GPHN: variants seen among roughly 807,000 people sequenced by gnomAD.
GPHN encodes the protein gephyrin.
In GPHN, 17 loss-of-function variants were observed where a neutral mutation model predicts 95.5. That is an observed-to-expected ratio of 0.18 (90% confidence interval 0.12 to 0.27). The LOEUF is 0.27. Among genes scored for constraint, GPHN ranks in the 10% least tolerant of loss-of-function variants. The pLI is 1.00. For synonymous variants in GPHN, 320 were observed against 322.5 expected (o/e 0.99, Z 0.08); for missense variants, 660 against 978.1 (o/e 0.67, Z 4.34).
At chr14:67,182,404 A>C (rs1317359423), downstream of GPHN, among the ~76,000 whole-genome samples, 1 of 152,196 alleles carries the variant, frequency 6.6e-6, no homozygotes, top group Admixed American at 6.5e-5. Context: ...AAACTACAAA[A>C]ATTGGCCTAC....
the GPHN span, among the ~76,000 whole-genome samples, chr14:67,464,469 C>G: frequency 6.6e-6 from 1 of 152,146 alleles, no homozygotes; most frequent in African/African-American, 2.4e-5. Flanking sequence ...GGCTCTGACC[C>G]CTGCCTGCTT....
rs1567400651 is a variant in GPHN, at chr14:67,144,256, T to TAC, written c.1836+808_1836+809insCA. Among the ~76,000 whole-genome samples the TAC allele has an allele frequency of 2.5e-3, 210 of 84,092 alleles. 14 individuals are homozygous for TAC. The highest frequency in any genetic ancestry group is 0.011 in the African/African-American group (183 of 16,884). The allele number at this position is 84,092 out of a possible 152,430, so 55.2% of individuals were successfully genotyped here. ...TGTCTTAAAAAAAAAAAAAAATATA[T>TAC]ATATATATATATATATATATATATA... On this transcript the variant is annotated intron_variant, in intron 18 of 22. Coordinates refer to ENST00000478722, the MANE Select transcript of GPHN (RefSeq NM_020806.5).
the GPHN span, among the ~76,000 whole-genome samples, chr14:67,557,945 G>C: frequency 6.6e-6 from 1 of 152,206 alleles, no homozygotes. Flanking sequence ...GTGGCCAGCT[G>C]GTTGCCCAAA....
intron 3 of GPHN, among the ~76,000 whole-genome samples, chr14:66,778,568 G>A (rs2059478814): frequency 6.6e-6 from 1 of 151,802 alleles, no homozygotes; most frequent in African/African-American, 2.4e-5. Context: ...AAACAATACT[G>A]GTTAAATTGT....
At chr14:67,294,871 A>G in the GPHN span, 4 of 151,972 alleles carry the variant, frequency 2.6e-5, no homozygotes, top group South Asian at 2.1e-4. Flanking sequence ...ATGGGGTTTC[A>G]CCGTGTTAGC....
the GPHN span, among the ~76,000 whole-genome samples, chr14:67,466,198 C>T: frequency 6.6e-6 from 1 of 152,242 alleles, no homozygotes; most frequent in Non-Finnish European, 1.5e-5. Context: ...AGAAAACTTC[C>T]TTTCTGTTTG....
At chr14:67,729,862 C>T in the GPHN span, 1 of 455,286 alleles carries the variant, frequency 2.2e-6, no homozygotes, top group Non-Finnish European at 4.4e-6. Flanking sequence ...TGAATCTTAT[C>T]ATGAACTCAA....
the GPHN span, among the ~76,000 whole-genome samples, chr14:67,504,077 G>A: frequency 1.3e-5 from 2 of 151,476 alleles, no homozygotes; most frequent in South Asian, 2.1e-4. Context: ...GCAGTCGTGC[G>A]ATCTCGGCTC....
At chr14:67,577,399 C>T in the GPHN span, 2 of 1,582,278 alleles carry the variant, frequency 1.3e-6, no homozygotes, top group Admixed American at 1.8e-5. Flanking sequence ...AGACGGAGGC[C>T]CTCAAGCTCT....
At chr14:66,661,716 C>T (rs979445797) in intron 1 of GPHN, among the ~76,000 whole-genome samples, 1 of 152,166 alleles carries the variant, frequency 6.6e-6, no homozygotes, top group Non-Finnish European at 1.5e-5. Context: ...CCTCCAGCCA[C>T]CCTCACTTGT....
chr14:66,914,858 T>C (rs1250831749), intron 5 of GPHN, among the ~76,000 whole-genome samples: 6 of 152,096 alleles, frequency 3.9e-5, no homozygotes, highest in Non-Finnish European at 8.8e-5. Flanking sequence ...CAGGAACATA[T>C]TAAGAACTAT....
At chr14:67,079,023 A>G (rs1027541052) in intron 11 of GPHN, among the ~76,000 whole-genome samples, 3 of 152,102 alleles carry the variant, frequency 2.0e-5, no homozygotes, top group Non-Finnish European at 2.9e-5. Context: ...AGCAACCACT[A>G]TATATAGCGT....
chr14:67,663,046 T>C, the GPHN span: 1 of 1,433,054 alleles, frequency 7.0e-7, no homozygotes, highest in South Asian at 1.6e-5. Context: ...GCTGAGAGGC[T>C]GTCTGGTGTG....
the GPHN span, chr14:67,454,565 T>C: frequency 9.9e-5 from 15 of 152,226 alleles, no homozygotes; most frequent in African/African-American, 3.6e-4. Context: ...TATTCACTCA[T>C]TCATTCATCA....
intron 5 of GPHN, among the ~76,000 whole-genome samples, chr14:66,909,260 GA>G (rs1700269364): frequency 6.6e-6 from 1 of 151,992 alleles, no homozygotes; most frequent in South Asian, 2.1e-4. Flanking sequence ...AGGAGCAAAT[GA>G]TTTCAATATT....
the GPHN span, among the ~76,000 whole-genome samples, chr14:67,354,306 T>C: frequency 6.6e-6 from 1 of 152,344 alleles, no homozygotes; most frequent in Middle Eastern, 3.4e-3. Context: ...GATGCCAACA[T>C]AGTTTAAATA....
At chr14:66,943,343 G>A (rs2067536053) in intron 8 of GPHN, among the ~76,000 whole-genome samples, 1 of 151,924 alleles carries the variant, frequency 6.6e-6, no homozygotes, top group African/African-American at 2.4e-5. Flanking sequence ...TTACTTTAAT[G>A]TAAAACCTGA....
intron 3 of GPHN, among the ~76,000 whole-genome samples, chr14:66,817,523 A>G (rs1289137595): frequency 1.3e-5 from 2 of 152,202 alleles, no homozygotes; most frequent in East Asian, 3.8e-4. Context: ...AAAAACCACC[A>G]CAAAATGTGG....
intron 1 of GPHN, among the ~76,000 whole-genome samples, chr14:66,568,358 G>A (rs1210545098): frequency 1.3e-5 from 2 of 152,062 alleles, no homozygotes; most frequent in Admixed American, 1.3e-4. Context: ...TGCGTGCCTT[G>A]TTTCCTGTTA....
Sources: allele counts gnomAD v4.1 joint callset (sites outside exome capture counted in the v4.1 genomes callset), GRCh38; gene constraint gnomAD v4.1.1; transcripts MANE v1.5; gene names NCBI Gene and HGNC (gene_info 2026-07-23, HGNC 2026-07-21).